UBE4B: variants seen among roughly 807,000 people sequenced by gnomAD.
UBE4B encodes the protein ubiquitination factor E4B.
In UBE4B, 27 loss-of-function variants were observed where a neutral mutation model predicts 148.1. That is an observed-to-expected ratio of 0.18 (90% confidence interval 0.13 to 0.25). The LOEUF is 0.25. UBE4B is among the 10% of genes least tolerant of loss of function. The probability of loss-of-function intolerance (pLI) is 1.00; values close to 1 mark genes in which losing one functional copy is unlikely to be tolerated. For synonymous variants in UBE4B, 596 were observed against 619.3 expected (o/e 0.96, Z 0.56); for missense variants, 1,170 against 1,662.4 (o/e 0.70, Z 5.15).
intron 3 of UBE4B, chr1:10,100,811 C>T (rs1644998391): frequency 3.8e-6 from 1 of 262,226 alleles, no homozygotes; most frequent in Non-Finnish European, 7.4e-6. Flanking sequence ...GCCTTGGCCT[C>T]CCAAAGTGCT....
intron 1 of UBE4B, among the ~76,000 whole-genome samples, chr1:10,052,120 G>A (rs1430367436): frequency 6.6e-6 from 1 of 150,724 alleles, no homozygotes; most frequent in Admixed American, 6.6e-5. Flanking sequence ...AGGCTGGAGT[G>A]TAGTGGTGCC....
chr1:10,047,488 C>CTTTTTT (rs952378949), intron 1 of UBE4B, among the ~76,000 whole-genome samples: 13 of 116,018 alleles, frequency 1.1e-4, no homozygotes, highest in East Asian at 2.6e-4. Context: ...CTTCATATAT[C>CTTTTTT]TTTTTTTTTT....
intron 2 of UBE4B, among the ~76,000 whole-genome samples, chr1:10,094,662 C>T (rs1237640263): frequency 6.6e-6 from 1 of 151,972 alleles, no homozygotes; most frequent in Non-Finnish European, 1.5e-5. Context: ...TCTCAATCTC[C>T]TGACCTTGTG....
intron 2 of UBE4B, among the ~76,000 whole-genome samples, chr1:10,085,436 A>C (rs752749908): frequency 6.6e-6 from 1 of 152,174 alleles, no homozygotes; most frequent in East Asian, 1.9e-4. Flanking sequence ...GACTAGTTCA[A>C]CCCTGACCTG....
chr1:10,053,642 T>C (rs1379565165), intron 1 of UBE4B, among the ~76,000 whole-genome samples: 2 of 152,152 alleles, frequency 1.3e-5, no homozygotes, highest in African/African-American at 4.8e-5. Context: ...CATTAGCTAT[T>C]TTTCTTAATG....
chr1:10,135,905 G>A (rs1645674767), intron 16 of UBE4B, among the ~76,000 whole-genome samples: 1 of 152,058 alleles, frequency 6.6e-6, no homozygotes, highest in Non-Finnish European at 1.5e-5. Flanking sequence ...GTGATTCATA[G>A]CAAAAAATAT....
intron 20 of UBE4B, among the ~76,000 whole-genome samples, chr1:10,150,235 T>C (rs1045173084): frequency 7.2e-5 from 11 of 152,056 alleles, no homozygotes; most frequent in African/African-American, 2.4e-4. Context: ...CCCAAATCAT[T>C]GGTGACACGT....
At chr1:10,130,673 T>C in intron 13 of UBE4B, 42 bp from the exon 14 acceptor site, 1 of 1,612,768 alleles carries the variant, frequency 6.2e-7, no homozygotes. Context: ...CTTTCCCAAA[T>C]GTGCATTATA....
At chr1:10,101,296 A>C (rs1645006148) in intron 4 of UBE4B, 101 bp downstream of exon 4, 1 of 1,096,754 alleles carries the variant, frequency 9.1e-7, no homozygotes, top group Non-Finnish European at 1.3e-6. Context: ...CGAAATCAGG[A>C]AGTCCTAGGC....
intron 15 of UBE4B, among the ~76,000 whole-genome samples, chr1:10,134,656 T>C (rs1171261691): frequency 2.0e-5 from 3 of 152,228 alleles, no homozygotes; most frequent in Admixed American, 1.3e-4. Context: ...GTCTTCTCAT[T>C]GACTTTAGGA....
intron 2 of UBE4B, among the ~76,000 whole-genome samples, chr1:10,080,416 CAAAA>C (rs565960920): frequency 2.0e-5 from 2 of 101,294 alleles, no homozygotes; most frequent in African/African-American, 7.1e-5. Context: ...GAATCCATCT[CAAAA>C]AAAAAAAAAG....
At chr1:10,124,574 CA>C (rs1305218254) in intron 10 of UBE4B, among the ~76,000 whole-genome samples, 1 of 152,178 alleles carries the variant, frequency 6.6e-6, no homozygotes, top group South Asian at 2.1e-4. Flanking sequence ...TATGTGCTAC[CA>C]TGTGTTTTAT....
intron 1 of UBE4B, among the ~76,000 whole-genome samples, chr1:10,043,362 A>C (rs1643845584): frequency 6.8e-6 from 1 of 147,164 alleles, no homozygotes; most frequent in Admixed American, 6.8e-5. Flanking sequence ...CATTTCTGAG[A>C]TGTACTCTCC....
At position 10,101,198 on chromosome 1, in the gene UBE4B, T is replaced by G; in HGVS notation, c.435+3T>G. ...AAAAGCGGAGCCTCAGTGATAAGGT[T>G]GGTAAGCGATGAAGCCCTTGGTACA... On this transcript the variant is annotated splice_donor_region_variant and intron_variant, in intron 4 of 27. Transcript: ENST00000343090. 2 of 1,613,884 alleles carry G rather than the reference T, an allele frequency of 1.2e-6. No homozygotes were observed. The highest frequency in any genetic ancestry group is 1.7e-6 in the Non-Finnish European group (2 of 1,179,758).
chr1:10,129,861 C>G (rs1412018430), intron 12 of UBE4B, among the ~76,000 whole-genome samples: 1 of 152,078 alleles, frequency 6.6e-6, no homozygotes, highest in African/African-American at 2.4e-5. Context: ...CCATGTTGGC[C>G]AGGCTGGTCT....
At chr1:10,102,620 A>G (rs1645034879) in intron 4 of UBE4B, among the ~76,000 whole-genome samples, 2 of 151,724 alleles carry the variant, frequency 1.3e-5, no homozygotes, top group African/African-American at 2.4e-5. Flanking sequence ...CATGTTGGCC[A>G]GGCTGGTCTT....
At chr1:10,179,692 G>A (rs916410593) in intron 27 of UBE4B, 130 bp downstream of exon 27, 2 of 1,473,584 alleles carry the variant, frequency 1.4e-6, no homozygotes, top group African/African-American at 1.4e-5. Context: ...ATGACACTCT[G>A]TAGCAAAGAC....
intron 1 of UBE4B, among the ~76,000 whole-genome samples, chr1:10,052,433 G>A (rs911109504): frequency 6.6e-6 from 1 of 152,116 alleles, no homozygotes; most frequent in African/African-American, 2.4e-5. Context: ...TTTAATGGAC[G>A]TTTTTGGGAA....
At chr1:10,173,076 CAA>C (rs993485596) in intron 25 of UBE4B, among the ~76,000 whole-genome samples, 9 of 152,272 alleles carry the variant, frequency 5.9e-5, no homozygotes, top group African/African-American at 2.2e-4. Flanking sequence ...AATTGCCTAA[CAA>C]GACATTTCTC....
Sources: gnomAD v4.1 joint callset for allele counts (sites outside exome capture counted in the v4.1 genomes callset) on GRCh38, gnomAD v4.1.1 for gene constraint, MANE v1.5 for transcripts, NCBI Gene and HGNC (gene_info 2026-07-23, HGNC 2026-07-21) for gene names.